The following ARHGAP15 variants were observed in gnomAD, a reference collection of about 807,000 sequenced individuals.
The protein encoded by ARHGAP15 is Rho GTPase activating protein 15, also known as rho GTPase-activating protein 15.
In ARHGAP15, 51 loss-of-function variants were observed where a neutral mutation model predicts 63.7. The observed-to-expected ratio is 0.80, with a 90% CI of 0.64 to 1.01. The LOEUF is 1.01. ARHGAP15 is among the 50% of genes least tolerant of loss of function. The pLI, the probability that ARHGAP15 is intolerant of heterozygous loss-of-function variation, is 0.00. For missense variants in ARHGAP15, 560 were observed against 564.6 expected, an observed-to-expected ratio of 0.99 and a Z score of 0.08; for synonymous variants, 191 against 193.8, an observed-to-expected ratio of 0.99 and a Z score of 0.12.
intron 2 of ARHGAP15, among the ~76,000 whole-genome samples, chr2:143,159,765 A>G (rs1353581853): frequency 6.6e-6 from 1 of 151,946 alleles, no homozygotes; most frequent in Non-Finnish European, 1.5e-5. Context: ...TGACTTCCTC[A>G]TAAATATATG....
At chr2:143,154,736 G>A (rs1039208261) in intron 1 of ARHGAP15, among the ~76,000 whole-genome samples, 23 of 151,892 alleles carry the variant, frequency 1.5e-4, no homozygotes, top group African/African-American at 5.6e-4. Flanking sequence ...TGCTGCCACA[G>A]TTTAGTTCTC....
At chr2:143,200,413 T>C (rs1692066466) in intron 2 of ARHGAP15, among the ~76,000 whole-genome samples, 1 of 146,534 alleles carries the variant, frequency 6.8e-6, no homozygotes, top group South Asian at 2.4e-4. Context: ...TCTCAAAATC[T>C]TCACAGACAT....
intron 5 of ARHGAP15, chr2:143,237,529 C>T (rs1247585067): frequency 6.6e-6 from 1 of 152,200 alleles, no homozygotes; most frequent in Non-Finnish European, 1.5e-5. Context: ...CTAGGTGTGT[C>T]ACCATCTCAG....
intron 6 of ARHGAP15, among the ~76,000 whole-genome samples, chr2:143,269,133 C>T (rs759999103): frequency 6.6e-6 from 1 of 152,098 alleles, no homozygotes; most frequent in Non-Finnish European, 1.5e-5. Flanking sequence ...TTCAAATTCC[C>T]TAATTTATAT....
At chr2:143,704,008 G>GAAAAAAAAA (rs111878424) in intron 13 of ARHGAP15, 1 of 135,630 alleles carries the variant, frequency 7.4e-6, no homozygotes. Context: ...AGTCTTCCAG[G>GAAAAAAAAA]AAAAAAAAAA....
intron 2 of ARHGAP15, among the ~76,000 whole-genome samples, chr2:143,167,301 T>C (rs144793696): frequency 2.0e-5 from 3 of 152,262 alleles, no homozygotes; most frequent in East Asian, 3.9e-4. Flanking sequence ...TATCATGCCA[T>C]TGTAGCCTTT....
At chr2:143,246,704 C>T (rs1459504870) in intron 5 of ARHGAP15, among the ~76,000 whole-genome samples, 1 of 151,760 alleles carries the variant, frequency 6.6e-6, no homozygotes, top group African/African-American at 2.4e-5. Context: ...ACTGTGGAAT[C>T]AGGAATATAG....
At chr2:143,461,281 C>CAAAA (rs70982868) in intron 8 of ARHGAP15, among the ~76,000 whole-genome samples, 1,205 of 54,890 alleles carry the variant, frequency 0.022, 175 homozygotes, top group East Asian at 0.094. Context: ...CTCTGTCTCT[C>CAAAA]AAAAAAAAAA....
chr2:143,270,530 A>G (rs1681223231), intron 6 of ARHGAP15, among the ~76,000 whole-genome samples: 1 of 152,160 alleles, frequency 6.6e-6, no homozygotes, highest in Non-Finnish European at 1.5e-5. Context: ...TAACTCAAGT[A>G]CTCTGCACAT....
In ARHGAP15 at chr2:143,727,173, C is replaced by G. The variant is rs139218798; in HGVS notation, c.1244+23649C>G. On this transcript the variant is annotated intron_variant, in intron 13 of 13. Coordinates refer to ENST00000295095, the MANE Select transcript of ARHGAP15 (RefSeq NM_018460.4). Reference sequence around the variant, plus strand: ...GAGAATATTGATAGGGTAGAGGTAGCATCAACTGCAATTAGAGGACATGTC... The same window carrying G: ...GAGAATATTGATAGGGTAGAGGTAGGATCAACTGCAATTAGAGGACATGTC... 4.7e-3 allele frequency among the ~76,000 whole-genome samples: 720 copies of G among 152,312 alleles called. 6 individuals carry two copies. The highest frequency in any genetic ancestry group is 0.016 in the African/African-American group (673 of 41,556).
At chr2:143,225,376 C>A (rs1435443485) in intron 4 of ARHGAP15, among the ~76,000 whole-genome samples, 1 of 152,000 alleles carries the variant, frequency 6.6e-6, no homozygotes, top group Non-Finnish European at 1.5e-5. Flanking sequence ...CCGAGGCAGG[C>A]GGATCACGAA....
chr2:143,285,196 G>A (rs1164309654), intron 6 of ARHGAP15, among the ~76,000 whole-genome samples: 1 of 151,976 alleles, frequency 6.6e-6, no homozygotes, highest in Non-Finnish European at 1.5e-5. Flanking sequence ...CTTCACACTT[G>A]GGATTTTTAC....
At chr2:143,691,526 T>TA (rs1277833620) in intron 12 of ARHGAP15, among the ~76,000 whole-genome samples, 4 of 152,162 alleles carry the variant, frequency 2.6e-5, no homozygotes, top group Admixed American at 2.0e-4. Context: ...ATCAAATATG[T>TA]AAAAAATGGC....
intron 6 of ARHGAP15, among the ~76,000 whole-genome samples, chr2:143,430,378 T>C (rs1038771422): frequency 6.6e-6 from 1 of 152,060 alleles, no homozygotes; most frequent in African/African-American, 2.4e-5. Flanking sequence ...ATGTTAGGAA[T>C]TACTCAAACC....
At chr2:143,451,649 C>T (rs1690412794) in intron 8 of ARHGAP15, among the ~76,000 whole-genome samples, 1 of 151,698 alleles carries the variant, frequency 6.6e-6, no homozygotes, top group Non-Finnish European at 1.5e-5. Flanking sequence ...GTTTGTTGGT[C>T]AGCTCAGAAA....
At chr2:143,709,965 T>C (rs1559138261) in intron 13 of ARHGAP15, among the ~76,000 whole-genome samples, 1 of 152,226 alleles carries the variant, frequency 6.6e-6, no homozygotes, top group Non-Finnish European at 1.5e-5. Flanking sequence ...TCCAGGCCTC[T>C]GAATGCTCAG....
At chr2:143,449,325 A>G (rs546171284) in intron 8 of ARHGAP15, among the ~76,000 whole-genome samples, 17 of 152,230 alleles carry the variant, frequency 1.1e-4, no homozygotes, top group African/African-American at 3.8e-4. Flanking sequence ...GGATAGCTCA[A>G]TGTGCAAAAT....
At chr2:143,155,803 C>T in intron 2 of ARHGAP15, 148 bp downstream of exon 2, 1 of 769,562 alleles carries the variant, frequency 1.3e-6, no homozygotes, top group East Asian at 2.9e-5. Flanking sequence ...TGCATACTTA[C>T]AGTCATGATA....
At chr2:143,445,153 A>ATTTTTTTTTT (rs10671306) in intron 8 of ARHGAP15, among the ~76,000 whole-genome samples, 9 of 74,444 alleles carry the variant, frequency 1.2e-4, no homozygotes, top group African/African-American at 2.7e-4. Context: ...AAGAACAATT[A>ATTTTTTTTTT]TTTTTTTTTT....
Sources: gnomAD v4.1 joint callset for allele counts (sites outside exome capture counted in the v4.1 genomes callset) on GRCh38, gnomAD v4.1.1 for gene constraint, MANE v1.5 for transcripts, NCBI Gene and HGNC (gene_info 2026-07-23, HGNC 2026-07-21) for gene names.